The following PDZD2 variants were observed in gnomAD, a reference collection of about 807,000 sequenced individuals.
PDZD2 encodes PDZ domain containing 2, also known as PDZ domain-containing protein 2.
PDZD2 carries 90 observed loss-of-function variants against 220.7 expected under a neutral mutation model. The ratio of observed to expected loss-of-function variants is 0.41; its 90% CI spans 0.34 to 0.49. The LOEUF is 0.49. Among genes scored for constraint, PDZD2 ranks in the 20% least tolerant of loss-of-function variants. The probability of loss-of-function intolerance (pLI) is 0.28; values close to 1 mark genes in which losing one functional copy is unlikely to be tolerated. For synonymous variants in PDZD2, 1,375 were observed against 1,450.5 expected, an observed-to-expected ratio of 0.95 and a Z score of 1.18; for missense variants, 3,174 against 3,608.5, an observed-to-expected ratio of 0.88 and a Z score of 3.08.
intron 6 of PDZD2, among the ~76,000 whole-genome samples, chr5:32,027,645 G>A (rs1050147884): frequency 6.6e-6 from 1 of 152,190 alleles, no homozygotes; most frequent in African/African-American, 2.4e-5. Context: ...TTGTGGTGTT[G>A]CTGTTTTCCT....
chr5:31,874,224 TA>T (rs1264112951), intron 2 of PDZD2, among the ~76,000 whole-genome samples: 1 of 152,182 alleles, frequency 6.6e-6, no homozygotes, highest in Non-Finnish European at 1.5e-5. Context: ...TAATCACTGC[TA>T]AAAAATACCT....
chr5:31,765,821 C>T (rs1343089260), intron 1 of PDZD2, among the ~76,000 whole-genome samples: 2 of 152,048 alleles, frequency 1.3e-5, no homozygotes, highest in African/African-American at 2.4e-5. Context: ...CCAAGGTAGA[C>T]GAATCTTTGA....
At chr5:31,908,638 G>T in intron 2 of PDZD2, 3 of 589,388 alleles carry the variant, frequency 5.1e-6, no homozygotes, top group Non-Finnish European at 5.7e-6. Flanking sequence ...CAAAGGTTAC[G>T]TGATATCAAA....
intron 2 of PDZD2, among the ~76,000 whole-genome samples, chr5:31,860,751 T>G (rs1737625575): frequency 6.6e-6 from 1 of 152,256 alleles, no homozygotes; most frequent in Non-Finnish European, 1.5e-5. Context: ...ATCATTATGC[T>G]GCTGCTTCTG....
At chr5:32,085,026 A>G (rs972628679) in intron 19 of PDZD2, among the ~76,000 whole-genome samples, 2 of 134,668 alleles carry the variant, frequency 1.5e-5, no homozygotes, top group African/African-American at 2.8e-5. Context: ...GTGCAATCTC[A>G]GCTCACTGAC....
intron 14 of PDZD2, among the ~76,000 whole-genome samples, chr5:32,068,779 G>A (rs1000988099): frequency 6.6e-6 from 1 of 152,156 alleles, no homozygotes. Context: ...TTATGGGTAA[G>A]GGGTCACGAT....
intron 11 of PDZD2, 57 bp from the exon 12 acceptor site, chr5:32,057,821 C>G: frequency 2.1e-6 from 3 of 1,421,416 alleles, no homozygotes; most frequent in South Asian, 1.2e-5. Context: ...TTTTTTAACC[C>G]TTTGATATAA....
chr5:32,104,308 A>G (rs921215207), intron 24 of PDZD2, among the ~76,000 whole-genome samples: 1 of 152,080 alleles, frequency 6.6e-6, no homozygotes, highest in African/African-American at 2.4e-5. Context: ...CAATATAGCA[A>G]GACTGATTTC....
intron 2 of PDZD2, among the ~76,000 whole-genome samples, chr5:31,865,856 C>T (rs1488853465): frequency 6.6e-6 from 1 of 151,292 alleles, no homozygotes; most frequent in Non-Finnish European, 1.5e-5. Context: ...TGGTCTCGAT[C>T]TCCTGACCTC....
intron 2 of PDZD2, among the ~76,000 whole-genome samples, chr5:31,967,620 T>C (rs1748873460): frequency 6.6e-6 from 1 of 152,186 alleles, no homozygotes; most frequent in Admixed American, 6.5e-5. Context: ...CCCTCAGTTA[T>C]CCCTGGGCGT....
Position 31,886,400 on chromosome 5 carries a change from TC to T in PDZD2, c.476+86678del, listed in dbSNP as rs1265465391. Among the ~76,000 whole-genome samples the T allele has an allele frequency of 7.2e-5, 11 of 152,072 alleles. No individual in the cohort carries two copies. The East Asian group carries it at 2.1e-3, about 29-fold the overall frequency. On this transcript the variant is annotated intron_variant, in intron 2 of 24. Coordinates refer to ENST00000438447, the MANE Select transcript of PDZD2 (RefSeq NM_178140.4). ...CCCTTCCTTCCCTGCCACTCCTTCT[TC>T]CTCCCAGCTTGCTGAGCTTGCTGCC...
rs1458148347 is a variant in PDZD2 at position 32,074,145 on chromosome 5, C to T, written c.3039C>T (p.Asp1013=). ...CAATTTCCTCTTCCAAGGGCATGGA[C>T]GTCCACAACCAAGAGGAACGACCCC... ...RVSISSSKGM[D]VHNQEERPRK... The change falls in exon 18 of 25, where the codon GAC becomes GAT. Residue 1013 remains aspartate, a synonymous_variant. Coordinates refer to ENST00000438447, the MANE Select transcript of PDZD2 (RefSeq NM_178140.4). 3 of 1,614,196 alleles carry T rather than the reference C, an allele frequency of 1.9e-6. No individual in the cohort carries two copies. The highest frequency in any genetic ancestry group is 4.5e-5 in the East Asian group (2 of 44,878).
chr5:31,833,694 T>C (rs1364361523), intron 2 of PDZD2, among the ~76,000 whole-genome samples: 3 of 149,404 alleles, frequency 2.0e-5, no homozygotes, highest in Non-Finnish European at 3.0e-5. Flanking sequence ...GAGATGGAAA[T>C]GTGAATCCAT....
rs1237884386 is a variant in PDZD2, at chr5:32,083,951, T to C, written c.3683-3180T>C. 6.6e-6 allele frequency among the ~76,000 whole-genome samples: 1 copy of C among 152,158 alleles called. No homozygotes were observed. The highest frequency in any genetic ancestry group is 1.5e-5 in the Non-Finnish European group (1 of 68,038). On this transcript the variant is annotated intron_variant, in intron 19 of 24. Coordinates refer to ENST00000438447, the MANE Select transcript of PDZD2 (RefSeq NM_178140.4). The surrounding 1 kb of genome is among the most constrained non-coding windows in gnomAD (Gnocchi z 4.1). ...CCTCAGCATCCCAAAGTGCTGGGATTACAGGCATGAGCCACCGCCCACGGC... is the reference window on the plus strand; with the variant it reads ...CCTCAGCATCCCAAAGTGCTGGGATCACAGGCATGAGCCACCGCCCACGGC...
intron 6 of PDZD2, among the ~76,000 whole-genome samples, chr5:32,025,712 T>G (rs1754604656): frequency 6.8e-6 from 1 of 147,298 alleles, no homozygotes; most frequent in Non-Finnish European, 1.5e-5. Context: ...GTGATTCTCT[T>G]GCCTCAGCCT....
In PDZD2 at chr5:31,983,268, C is replaced by G; in HGVS notation, c.590C>G (p.Pro197Arg). Residue 197 changes from proline (P) to arginine (R), a missense_variant, in exon 3 of 25, where the codon CCA becomes CGA. Transcript: ENST00000438447. Reference protein sequence around the residue: ...YNGNSSNSSEPGETPTLELGD... With the variant: ...YNGNSSNSSERGETPTLELGD... ...GGCAACAGTAGCAACAGCTCTGAACCAGGAGAAACACCTACCTTGGAGCTG... is the reference window on the plus strand; with the variant it reads ...GGCAACAGTAGCAACAGCTCTGAACGAGGAGAAACACCTACCTTGGAGCTG... The G allele has an allele frequency of 1.2e-6, 2 of 1,614,194 alleles. No individual in the cohort carries two copies. The highest frequency in any genetic ancestry group is 1.7e-6 in the Non-Finnish European group (2 of 1,180,044).
intron 2 of PDZD2, among the ~76,000 whole-genome samples, chr5:31,934,955 C>T (rs1276038871): frequency 6.6e-6 from 1 of 151,898 alleles, no homozygotes; most frequent in African/African-American, 2.4e-5. Context: ...GGCATGGTGG[C>T]GGGCGCCTGT....
chr5:31,991,141 T>G (rs773586200), intron 3 of PDZD2, among the ~76,000 whole-genome samples: 2 of 152,190 alleles, frequency 1.3e-5, no homozygotes, highest in Non-Finnish European at 2.9e-5. Context: ...TTGAACCTTA[T>G]TCTCGGTCCT....
At chr5:31,905,715 A>G (rs1742583184) in intron 2 of PDZD2, among the ~76,000 whole-genome samples, 1 of 152,226 alleles carries the variant, frequency 6.6e-6, no homozygotes, top group Non-Finnish European at 1.5e-5. Flanking sequence ...CCTTCTGAGG[A>G]TATGGATTTC....
Sources: gnomAD v4.1 joint callset for allele counts (sites outside exome capture counted in the v4.1 genomes callset) on GRCh38, gnomAD v4.1.1 for gene constraint, Gnocchi (gnomAD v3.1) non-coding constraint, MANE v1.5 for transcripts, NCBI Gene and HGNC (gene_info 2026-07-23, HGNC 2026-07-21) for gene names.